The following DACH1 variants were observed in gnomAD, a reference collection of about 807,000 sequenced individuals.
The protein encoded by DACH1 is dachshund homolog 1.
In DACH1, 12 loss-of-function variants were observed where a neutral mutation model predicts 54.2. That is an observed-to-expected ratio of 0.22 (90% CI 0.14 to 0.36). DACH1 has a LOEUF of 0.36. DACH1 is among the 10% of genes least tolerant of loss of function. DACH1 has a pLI of 1.00. For synonymous variants in DACH1, 386 were observed against 366.2 expected (o/e 1.05, Z -0.62); for missense variants, 805 against 929.8 (o/e 0.87, Z 1.75).
At chr13:71,597,505 A>T (rs565052035) in intron 3 of DACH1, among the ~76,000 whole-genome samples, 1 of 152,290 alleles carries the variant, frequency 6.6e-6, no homozygotes, top group South Asian at 2.1e-4. Flanking sequence ...CAGTAAAGAC[A>T]AACATTGTTG....
intron 3 of DACH1, among the ~76,000 whole-genome samples, chr13:71,592,511 A>AG (rs969839865): frequency 1.3e-5 from 2 of 149,410 alleles, no homozygotes; most frequent in East Asian, 1.9e-4. Flanking sequence ...AAAAAAAAAA[A>AG]AAAAAAGAAA....
At chr13:71,683,777 G>T (rs1261340932) in intron 1 of DACH1, among the ~76,000 whole-genome samples, 2 of 152,052 alleles carry the variant, frequency 1.3e-5, no homozygotes, top group Non-Finnish European at 2.9e-5. Context: ...TTCCTTGAGT[G>T]ATCTCTTCTA....
chr13:71,555,588 G>C (rs1024954175), intron 6 of DACH1, among the ~76,000 whole-genome samples: 1 of 151,924 alleles, frequency 6.6e-6, no homozygotes, highest in East Asian at 1.9e-4. Flanking sequence ...TGATCTGCCT[G>C]CCTCAGCCTC....
At chr13:71,610,437 GT>G (rs1029687690) in intron 3 of DACH1, among the ~76,000 whole-genome samples, 11 of 151,924 alleles carry the variant, frequency 7.2e-5, no homozygotes, top group Non-Finnish European at 1.3e-4. Flanking sequence ...TTTTTGTTTT[GT>G]TTTGTTTTTA....
At chr13:71,469,145 G>C (rs1221341786) in intron 10 of DACH1, among the ~76,000 whole-genome samples, 2 of 152,130 alleles carry the variant, frequency 1.3e-5, no homozygotes, top group Non-Finnish European at 2.9e-5. Context: ...TTAACTAGTA[G>C]TGTGACTGTG....
chr13:71,838,692 C>G (rs1438855381), intron 1 of DACH1, among the ~76,000 whole-genome samples: 1 of 152,188 alleles, frequency 6.6e-6, no homozygotes, highest in East Asian at 1.9e-4. Flanking sequence ...ATCATGACCT[C>G]TCACTTTCTC....
chr13:71,703,159 A>G (rs1040184805), intron 1 of DACH1, among the ~76,000 whole-genome samples: 5 of 152,206 alleles, frequency 3.3e-5, no homozygotes, highest in African/African-American at 1.2e-4. Flanking sequence ...CATGTTGACT[A>G]ATAAGTGCCA....
At chr13:71,450,432 G>A (rs545993359) in intron 10 of DACH1, among the ~76,000 whole-genome samples, 11 of 152,092 alleles carry the variant, frequency 7.2e-5, no homozygotes, top group Middle Eastern at 6.8e-3. Flanking sequence ...TAAATGTTGC[G>A]TGTGTTCTGA....
intron 1 of DACH1, among the ~76,000 whole-genome samples, chr13:71,865,434 C>T (rs1274609048): frequency 6.6e-6 from 1 of 152,114 alleles, no homozygotes; most frequent in Non-Finnish European, 1.5e-5. Context: ...GAGCAGGTCA[C>T]GACCTCCCCC....
intron 1 of DACH1, among the ~76,000 whole-genome samples, chr13:71,743,089 T>C (rs9572777): frequency 5.3e-5 from 8 of 152,038 alleles, no homozygotes; most frequent in South Asian, 2.1e-4. Flanking sequence ...TCCAATTGCA[T>C]AGAGACCAAG....
At chr13:71,576,393 C>T (rs1481237079) in intron 3 of DACH1, among the ~76,000 whole-genome samples, 4 of 152,058 alleles carry the variant, frequency 2.6e-5, no homozygotes, top group East Asian at 1.9e-4. Flanking sequence ...GTCCTCTCCC[C>T]GCTTAGTGCC....
intron 1 of DACH1, among the ~76,000 whole-genome samples, chr13:71,697,189 C>T (rs943310150): frequency 1.3e-5 from 2 of 152,078 alleles, no homozygotes; most frequent in Non-Finnish European, 2.9e-5. Flanking sequence ...GGAATATCCC[C>T]ATTTTAGAGG....
chr13:71,642,434 C>T (rs1877976426), intron 2 of DACH1, among the ~76,000 whole-genome samples: 1 of 152,186 alleles, frequency 6.6e-6, no homozygotes, highest in South Asian at 2.1e-4. Context: ...AACATCAATT[C>T]TGATTCTACA....
chr13:71,665,534 T>C (rs1353927027), intron 2 of DACH1, among the ~76,000 whole-genome samples: 1 of 152,044 alleles, frequency 6.6e-6, no homozygotes, highest in Non-Finnish European at 1.5e-5. Flanking sequence ...TAGAAGATAT[T>C]ATGGTGTAAA....
In DACH1 at chr13:71,783,966, A is replaced by C. The variant is rs1277148837; in HGVS notation, c.848+81956T>G. On this transcript the variant is annotated intron_variant, in intron 1 of 10. Coordinates refer to ENST00000613252, the MANE Select transcript of DACH1 (RefSeq NM_080759.6). ...TGAAATACATATTCTCCAAGGTTTA[A>C]AAAAAAAAAAAAAACAAAAAAAAAA... 1.2e-4 allele frequency among the ~76,000 whole-genome samples: 6 copies of C among 50,642 alleles called. No homozygotes were observed. The East Asian group carries it at 6.0e-3, about 50-fold the overall frequency. The allele number at this position is 50,642 out of a possible 152,430, so 33.2% of individuals were successfully genotyped here.
At chr13:71,740,721 A>T (rs1160511330) in intron 1 of DACH1, among the ~76,000 whole-genome samples, 1 of 152,150 alleles carries the variant, frequency 6.6e-6, no homozygotes, top group Non-Finnish European at 1.5e-5. Context: ...CATAGCAGTT[A>T]CTTCCCAGTA....
At chr13:71,512,591 ATTTTGGCCT>A (rs1258495901) in intron 6 of DACH1, among the ~76,000 whole-genome samples, 2 of 151,918 alleles carry the variant, frequency 1.3e-5, no homozygotes, top group Non-Finnish European at 2.9e-5. Flanking sequence ...AATTTGGATA[ATTTTGGCCT>A]TTAATAAACT....
intron 6 of DACH1, among the ~76,000 whole-genome samples, chr13:71,535,034 A>G (rs151032018): frequency 5.1e-4 from 77 of 150,584 alleles, no homozygotes; most frequent in African/African-American, 1.8e-3. Context: ...TAACTCCCAG[A>G]ATAATAACTT....
Position 71,557,104 on chromosome 13 carries a change from T to C in DACH1, c.1490A>G (p.Asn497Ser), listed in dbSNP as rs1051627558. 1 of 1,612,430 alleles carries C rather than the reference T, an allele frequency of 6.2e-7. No homozygotes were observed. Reference protein sequence around the residue: ...MNQMLMGLSPNVLPGPKEGDL... With the variant: ...MNQMLMGLSPSVLPGPKEGDL... Reference sequence around the variant, plus strand: ...TCCCTCTTTGGGCCCAGGAAGTACATTTGGTGATAAGCCCATCAGCATCTG... The same window carrying C: ...TCCCTCTTTGGGCCCAGGAAGTACACTTGGTGATAAGCCCATCAGCATCTG... Residue 497 changes from asparagine to serine, a missense_variant, in exon 6 of 11, where the codon AAT becomes AGT. Physicochemically the swap from Asn to Ser is conservative, Grantham distance 46. Around this residue, in one of 3 missense-constraint regions of DACH1, gnomAD observed 472 missense variants for 545.3 expected, o/e 0.87. Transcript: ENST00000613252.
Sources: gnomAD v4.1 joint callset for allele counts (sites outside exome capture counted in the v4.1 genomes callset) on GRCh38, gnomAD v4.1.1 for gene constraint, gnomAD v4.1.1 regional missense constraint, MANE v1.5 for transcripts, NCBI Gene and HGNC (gene_info 2026-07-23, HGNC 2026-07-21) for gene names.